Variants in ZNF423 observed in about 807,000 individuals in gnomAD.
ZNF423 encodes Ebf-associated zinc finger protein.
Under a neutral mutation model 95.8 loss-of-function variants are expected in ZNF423, and 12 were observed. The observed-to-expected ratio is 0.13, with a 90% CI of 0.08 to 0.20. ZNF423 has a LOEUF of 0.20. ZNF423 is among the 10% of genes least tolerant of loss of function. ZNF423 has a pLI of 1.00. For synonymous variants in ZNF423, 749 were observed against 711.9 expected, an observed-to-expected ratio of 1.05 and a Z score of -0.83; for missense variants, 1,316 against 1,737.1, an observed-to-expected ratio of 0.76 and a Z score of 4.31.
rs1315896747 is a variant in ZNF423, at chr16:49,742,365, G to A, written c.101-11394C>T. On this transcript the variant is annotated intron_variant, in intron 2 of 7. Transcript: ENST00000563137. ...AAGAGGGGAGGAGGGAAGCAGGGGG[G>A]AGAAAAATAAACCTCAAACACCCCC... Among the ~76,000 whole-genome samples the A allele has an allele frequency of 4.6e-5, 7 of 152,048 alleles. No individual in the cohort carries two copies. In the East Asian group the frequency reaches 1.2e-3, roughly 25 times the overall value.
intron 5 of ZNF423, among the ~76,000 whole-genome samples, chr16:49,552,233 G>T (rs1466618520): frequency 6.6e-6 from 1 of 152,196 alleles, no homozygotes; most frequent in Non-Finnish European, 1.5e-5. Context: ...AGGAGACCAG[G>T]GTACCAGCTC....
rs550304312 is a variant in ZNF423 at position 49,744,594 on chromosome 16, G to A, written c.101-13623C>T. Among the ~76,000 whole-genome samples, 8 of 146,922 alleles carry A rather than the reference G, an allele frequency of 5.4e-5. No homozygotes were observed. In the South Asian group the frequency reaches 1.7e-3, roughly 31 times the overall value. ...CAGCTCGGGGTCAGGGTTTTGATGG[G>A]GACTGCACTCAGACCCCCCAGCCAG... On this transcript the variant is annotated intron_variant, in intron 2 of 7. Coordinates refer to ENST00000563137, the MANE Select transcript of ZNF423 (RefSeq NM_001379286.1).
chr16:49,803,142 G>A (rs979763848), intron 1 of ZNF423, among the ~76,000 whole-genome samples: 8 of 151,994 alleles, frequency 5.3e-5, no homozygotes, highest in Admixed American at 2.0e-4. Context: ...ATGTGTAGTC[G>A]CAGCTACTCA....
intron 2 of ZNF423, among the ~76,000 whole-genome samples, chr16:49,735,671 C>G (rs182295816): frequency 3.9e-4 from 60 of 152,264 alleles, no homozygotes; most frequent in African/African-American, 1.4e-3. Context: ...GGACACTCCC[C>G]CTTCAAGCCC....
intron 2 of ZNF423, among the ~76,000 whole-genome samples, chr16:49,738,396 C>A (rs2033339284): frequency 6.6e-6 from 1 of 152,166 alleles, no homozygotes; most frequent in South Asian, 2.1e-4. Context: ...TACACCTCAG[C>A]CCCCAACCAT....
chr16:49,823,119 C>T (rs2034965383), intron 1 of ZNF423, among the ~76,000 whole-genome samples: 1 of 152,174 alleles, frequency 6.6e-6, no homozygotes, highest in African/African-American at 2.4e-5. Flanking sequence ...TAAGAAGCTC[C>T]AAGCTCTCAC....
intron 1 of ZNF423, among the ~76,000 whole-genome samples, chr16:49,824,305 CT>C (rs201711479): frequency 0.011 from 1,631 of 152,278 alleles, 14 homozygotes; most frequent in Middle Eastern, 0.017. Context: ...TAGAGCCCCC[CT>C]GTCACAGGTA....
intron 5 of ZNF423, among the ~76,000 whole-genome samples, chr16:49,560,803 A>G (rs766937278): frequency 4.6e-5 from 7 of 152,218 alleles, no homozygotes; most frequent in Non-Finnish European, 7.3e-5. Flanking sequence ...GCTGAAGACA[A>G]GCCAGTGTTG....
chr16:49,613,722 A>G (rs1019165187), intron 5 of ZNF423, among the ~76,000 whole-genome samples: 1 of 152,138 alleles, frequency 6.6e-6, no homozygotes, highest in Non-Finnish European at 1.5e-5. Context: ...AAACAAAGCA[A>G]TTCAATAGAA....
In ZNF423 at chr16:49,782,974, A is replaced by C. The variant is rs1211238023; in HGVS notation, c.100+6513T>G. ...CCCTGTCTCAATTAAAAAAAAAAAA[A>C]AAAAAAAGATGAGCAGCTTCAGCTC... On this transcript the variant is annotated intron_variant, in intron 2 of 7. Coordinates refer to ENST00000563137, the MANE Select transcript of ZNF423 (RefSeq NM_001379286.1). Among the ~76,000 whole-genome samples, 8 of 151,928 alleles carry C rather than the reference A, an allele frequency of 5.3e-5. No homozygotes were observed. The South Asian group carries it at 6.2e-4, about 12-fold the overall frequency.
At chr16:49,754,826 G>A (rs936168910) in intron 2 of ZNF423, among the ~76,000 whole-genome samples, 1 of 152,208 alleles carries the variant, frequency 6.6e-6, no homozygotes, top group Non-Finnish European at 1.5e-5. Context: ...CCAACATTGT[G>A]TACAGAGTGC....
intron 5 of ZNF423, among the ~76,000 whole-genome samples, chr16:49,531,603 G>C (rs1426770232): frequency 3.9e-5 from 6 of 152,148 alleles, no homozygotes; most frequent in Admixed American, 1.3e-4. Context: ...TATCTGGGCA[G>C]CCAGATTGGG....
At chr16:49,543,180 T>C (rs1969312517) in intron 5 of ZNF423, among the ~76,000 whole-genome samples, 1 of 152,154 alleles carries the variant, frequency 6.6e-6, no homozygotes, top group African/African-American at 2.4e-5. Flanking sequence ...CCTCAGCTGA[T>C]ATTTACTTAC....
chr16:49,724,014 C>G (rs2032938954), intron 3 of ZNF423, among the ~76,000 whole-genome samples: 1 of 152,232 alleles, frequency 6.6e-6, no homozygotes, highest in Admixed American at 6.5e-5. Flanking sequence ...TTCTTATGAA[C>G]TATAAATTCA....
chr16:49,725,706 G>A (rs959995253), intron 3 of ZNF423, among the ~76,000 whole-genome samples: 1 of 152,202 alleles, frequency 6.6e-6, no homozygotes, highest in African/African-American at 2.4e-5. Flanking sequence ...GTCCCATAGT[G>A]CCTCGCGGGC....
intron 3 of ZNF423, among the ~76,000 whole-genome samples, chr16:49,644,434 C>T (rs752879797): frequency 6.7e-5 from 10 of 149,980 alleles, no homozygotes; most frequent in South Asian, 2.1e-4. Context: ...GTGGGAGGAT[C>T]GTTTGAGGTC....
At chr16:49,528,761 CAG>C (rs777290632) in intron 5 of ZNF423, among the ~76,000 whole-genome samples, 8 of 151,228 alleles carry the variant, frequency 5.3e-5, no homozygotes, top group Non-Finnish European at 1.2e-4. Context: ...TCCAGGAAAA[CAG>C]GGGGAGGGCC....
At chr16:49,531,386 C>T (rs1968840513) in intron 5 of ZNF423, among the ~76,000 whole-genome samples, 1 of 151,824 alleles carries the variant, frequency 6.6e-6, no homozygotes, top group South Asian at 2.1e-4. Flanking sequence ...GGAGCAAAGG[C>T]CCCAGCACTC....
intron 3 of ZNF423, among the ~76,000 whole-genome samples, chr16:49,651,927 A>G (rs1469020212): frequency 6.6e-6 from 1 of 152,212 alleles, no homozygotes; most frequent in Non-Finnish European, 1.5e-5. Context: ...GATGGTTTTC[A>G]AACAAAGCAA....
Sources: gnomAD v4.1 joint callset for allele counts (sites outside exome capture counted in the v4.1 genomes callset) on GRCh38, gnomAD v4.1.1 for gene constraint, MANE v1.5 for transcripts, NCBI Gene and HGNC (gene_info 2026-07-23, HGNC 2026-07-21) for gene names.